AK7: variants seen among roughly 807,000 people sequenced by gnomAD.
The protein encoded by AK7 is ATP-AMP transphosphorylase 7.
AK7 carries 78 observed loss-of-function variants against 96.6 expected under a neutral mutation model. The observed-to-expected ratio is 0.81, with a 90% CI of 0.67 to 0.97. The LOEUF (loss-of-function observed/expected upper bound fraction) is 0.97. AK7 is among the 50% of genes least tolerant of loss of function. The pLI, the probability that AK7 is intolerant of heterozygous loss-of-function variation, is 0.00. For missense variants in AK7, 855 were observed against 887.9 expected (o/e 0.96, Z 0.47); for synonymous variants, 302 against 317.2 (o/e 0.95, Z 0.51).
intron 15 of AK7, 75 bp from the exon 16 acceptor site, chr14:96,482,924 G>T: frequency 7.0e-7 from 1 of 1,425,640 alleles, no homozygotes; most frequent in South Asian, 1.2e-5. Context: ...CAAGTTTATA[G>T]TAATAAAGAA....
chr14:96,470,278 AG>A (rs755067677), intron 12 of AK7, among the ~76,000 whole-genome samples: 52 of 151,716 alleles, frequency 3.4e-4, no homozygotes, highest in Non-Finnish European at 6.2e-4. Context: ...GGAGAGGAGG[AG>A]GGGGAGTCAC....
Position 96,471,468 on chromosome 14 carries a change from T to C in AK7, c.1358-10T>C, listed in dbSNP as rs745745457. ...TATAAGTAATATATACATATATGTTTTTTTATCAGGTCAACTAGACGATCA... is the reference window on the plus strand; with the variant it reads ...TATAAGTAATATATACATATATGTTCTTTTATCAGGTCAACTAGACGATCA... On this transcript the variant is annotated splice_polypyrimidine_tract_variant and intron_variant, in intron 12 of 17. Coordinates refer to ENST00000267584, the MANE Select transcript of AK7 (RefSeq NM_152327.5). The C allele has an allele frequency of 2.2e-6, 3 of 1,379,992 alleles. No individual in the cohort carries two copies. The highest frequency in any genetic ancestry group is 3.0e-6 in the Non-Finnish European group (3 of 1,004,866). The allele number at this position is 1,379,992 out of a possible 1,614,324, so 85.5% of individuals were successfully genotyped here. A position where few individuals can be genotyped will look rare whatever the true frequency, so the allele number is the denominator to read the frequency against.
chr14:96,424,287 G>T, intron 5 of AK7: 2 of 411,784 alleles, frequency 4.9e-6, no homozygotes, highest in Non-Finnish European at 4.4e-6. Flanking sequence ...CGGCGACACG[G>T]GGGTCTCCGC....
chr14:96,481,049 T>C (rs1048645213), intron 15 of AK7, among the ~76,000 whole-genome samples: 11 of 152,298 alleles, frequency 7.2e-5, no homozygotes, highest in African/African-American at 2.4e-4. Flanking sequence ...GTGGCCTGTG[T>C]GGTAGGCTGA....
At chr14:96,456,255 A>AGC in intron 10 of AK7, 92 bp from the exon 11 acceptor site, 2 of 1,164,526 alleles carry the variant, frequency 1.7e-6, no homozygotes, top group Non-Finnish European at 2.3e-6. Context: ...AAAAAAAAAA[A>AGC]AAAAAAGCAC....
At chr14:96,401,766 C>T (rs1890423826) in intron 2 of AK7, among the ~76,000 whole-genome samples, 1 of 152,348 alleles carries the variant, frequency 6.6e-6, no homozygotes, top group South Asian at 2.1e-4. Context: ...CTCAACAAGT[C>T]ACCTGCTATT....
At chr14:96,422,740 A>G (rs897916710) in intron 5 of AK7, among the ~76,000 whole-genome samples, 3 of 152,214 alleles carry the variant, frequency 2.0e-5, no homozygotes, top group African/African-American at 7.2e-5. Context: ...TACAATAGTC[A>G]GGAGCATTTC....
chr14:96,408,311 G>A (rs1052825618), intron 3 of AK7, among the ~76,000 whole-genome samples: 1 of 152,220 alleles, frequency 6.6e-6, no homozygotes, highest in East Asian at 1.9e-4. Context: ...CATGGGCCTG[G>A]CACCCAGACA....
chr14:96,441,642 CAAAAA>C (rs34473287), intron 6 of AK7, among the ~76,000 whole-genome samples: 2 of 91,502 alleles, frequency 2.2e-5, no homozygotes, highest in African/African-American at 4.7e-5. Context: ...GACTCCGTCT[CAAAAA>C]AAAAAAAAAA....
chr14:96,409,865 CTT>C (rs1405605216), intron 4 of AK7, among the ~76,000 whole-genome samples: 1 of 152,216 alleles, frequency 6.6e-6, no homozygotes, highest in African/African-American at 2.4e-5. Flanking sequence ...ACGGTACACT[CTT>C]TTAAAAGGCA....
intron 4 of AK7, among the ~76,000 whole-genome samples, chr14:96,415,962 G>A (rs1178337253): frequency 1.3e-5 from 2 of 152,024 alleles, no homozygotes; most frequent in African/African-American, 4.8e-5. Context: ...TAACCCAGAG[G>A]TGACCCTGAT....
chr14:96,472,609 A>T, intron 13 of AK7, 78 bp from the exon 14 acceptor site: 1 of 1,115,894 alleles, frequency 9.0e-7, no homozygotes, highest in South Asian at 1.4e-5. Context: ...TTGCTACTTA[A>T]GATATTTGGA....
rs943669347 is a variant in AK7, at chr14:96,463,132, G to A, written c.1357+4920G>A. Among the ~76,000 whole-genome samples, 8 of 143,008 alleles carry A rather than the reference G, an allele frequency of 5.6e-5. No homozygotes were observed. In the East Asian group the frequency reaches 6.0e-4, roughly 11 times the overall value. 93.8% of individuals were successfully genotyped at this position (143,008 alleles called of 152,430 possible). On this transcript the variant is annotated intron_variant, in intron 12 of 17. Transcript: ENST00000267584. The stretch of plus-strand genomic sequence containing the variant: ...AGCCTGAGCAACAGGGCAAGACTCC[G>A]CCTCAAAAAACAAACAAACAAACAA...
At chr14:96,460,223 T>C (rs1040175584) in intron 12 of AK7, among the ~76,000 whole-genome samples, 8 of 152,212 alleles carry the variant, frequency 5.3e-5, no homozygotes, top group Non-Finnish European at 7.3e-5. Flanking sequence ...CAGTAGCAGT[T>C]ATTAGAAAAA....
chr14:96,427,267 G>A (rs530818500), intron 5 of AK7, among the ~76,000 whole-genome samples: 45 of 152,160 alleles, frequency 3.0e-4, no homozygotes, highest in African/African-American at 1.1e-3. Flanking sequence ...AAAAAAAATT[G>A]GTTTAATTGA....
chr14:96,455,803 A>C (rs1893862189), intron 10 of AK7, among the ~76,000 whole-genome samples: 1 of 152,184 alleles, frequency 6.6e-6, no homozygotes, highest in African/African-American at 2.4e-5. Flanking sequence ...GAACCAGAAC[A>C]TGAACTGTCT....
intron 2 of AK7, among the ~76,000 whole-genome samples, chr14:96,401,062 C>A (rs545552921): frequency 1.1e-3 from 165 of 152,296 alleles, no homozygotes; most frequent in African/African-American, 3.9e-3. Context: ...GTCCAGTCAG[C>A]CCCTCCTTTC....
chr14:96,442,829 G>T lies in AK7; in HGVS notation c.779+11G>T, dbSNP rs189498856. 2.4e-5 allele frequency: 38 copies of T among 1,609,542 alleles called. No individual in the cohort carries two copies. The highest frequency in any genetic ancestry group is 3.0e-5 in the Non-Finnish European group (35 of 1,175,984). ...TCTTGATCTAGCAGGGTAAGCATTC[G>T]CCCAGAGACGTGACCTTCACAGAAT... On this transcript the variant is annotated intron_variant, in intron 7 of 17. Transcript: ENST00000267584.
At chr14:96,458,611 G>A (rs567096280) in intron 12 of AK7, among the ~76,000 whole-genome samples, 14 of 151,848 alleles carry the variant, frequency 9.2e-5, no homozygotes, top group South Asian at 2.1e-4. Flanking sequence ...ATGTGGTGCC[G>A]CACACCTGTA....
Sources: allele counts gnomAD v4.1 joint callset (sites outside exome capture counted in the v4.1 genomes callset), GRCh38; gene constraint gnomAD v4.1.1; transcripts MANE v1.5; gene names NCBI Gene and HGNC (gene_info 2026-07-23, HGNC 2026-07-21).